Variants in TUBGCP2 observed in about 807,000 individuals in gnomAD.
TUBGCP2 encodes the protein tubulin gamma complex component 2.
In TUBGCP2, 55 loss-of-function variants were observed where a neutral mutation model predicts 92.2. The observed-to-expected ratio is 0.60, with a 90% CI of 0.48 to 0.75. The LOEUF is 0.75. Among genes scored for constraint, TUBGCP2 ranks in the 30% least tolerant of loss-of-function variants. The pLI is 0.00. For missense variants in TUBGCP2, 1,093 were observed against 1,188.9 expected (o/e 0.92, Z 1.19); for synonymous variants, 533 against 505.2 (o/e 1.06, Z -0.74).
chr10:133,281,304 A>G lies in TUBGCP2; in HGVS notation c.2542T>C (p.Cys848Arg). 5 of 1,612,774 alleles carry G rather than the reference A, an allele frequency of 3.1e-6. No individual in the cohort carries two copies. Among genetic ancestry groups the G allele is most frequent in the Non-Finnish European group, 4.2e-6 (5 of 1,179,928 alleles). ...ATGACGCTGGCCATGCCGTGCTCAC[A>G]GTCACTGGTGCTATAGATGCTCAGC... ...ARLSIYSTSD[C>R]EHGMASVISR... Residue 848 changes from cysteine to arginine, a missense_variant, in exon 17 of 18, where the codon TGT becomes CGT. Physicochemically the swap from Cys to Arg is radical, Grantham distance 180 (BLOSUM62 -3). Coordinates refer to ENST00000252936, the MANE Select transcript of TUBGCP2 (RefSeq NM_006659.4).
chr10:133,310,342 TC>T (rs1010713467), upstream of TUBGCP2: 5 of 1,608,632 alleles, frequency 3.1e-6, no homozygotes, highest in African/African-American at 5.4e-5. Flanking sequence ...GGAAAAGGTT[TC>T]CAACTAGCCG....
rs1564938829 is a variant in TUBGCP2 at position 133,291,268 on chromosome 10, CCCA to C, written c.1214+1228_1214+1230del. Among the ~76,000 whole-genome samples the C allele has an allele frequency of 1.4e-4, 7 of 48,518 alleles. 1 individual carries two copies. Among genetic ancestry groups the C allele is most frequent in the Non-Finnish European group, 2.3e-4 (7 of 30,108 alleles). The allele number at this position is 48,518 out of a possible 152,430, so 31.8% of individuals were successfully genotyped here. On this transcript the variant is annotated intron_variant, in intron 8 of 17. Transcript: ENST00000252936. ...GTGTCCCCCATGTCCCTCCGTGTCC[CCCA>C]TGTCCCTCCGTGTCCCTGTGTCCCG...
At chr10:133,291,853 T>TCCATGTCCCCCATGTCCCC (rs1427803441) in intron 8 of TUBGCP2, among the ~76,000 whole-genome samples, 1 of 14,784 alleles carries the variant, frequency 6.8e-5, no homozygotes, top group Non-Finnish European at 9.9e-5. Flanking sequence ...TCCGTGTCCC[T>TCCATGTCCCCCATGTCCCC]GTGTCCCGGG....
chr10:133,284,061 C>A (rs1847065872), intron 13 of TUBGCP2, 59 bp from the exon 14 acceptor site: 5 of 1,588,750 alleles, frequency 3.1e-6, no homozygotes, highest in Non-Finnish European at 4.3e-6. Flanking sequence ...CAGCGCCCAC[C>A]AAGTGACACG....
rs375090140 is a variant in TUBGCP2, at chr10:133,285,660, A to G, written c.1723-32T>C. 94 of 1,491,724 alleles carry G rather than the reference A, an allele frequency of 6.3e-5. No homozygotes were observed. Among genetic ancestry groups the G allele is most frequent in the Middle Eastern group, 1.8e-4 (1 of 5,566 alleles). The allele number at this position is 1,491,724 out of a possible 1,614,324, so 92.4% of individuals were successfully genotyped here. A position where few individuals can be genotyped will look rare whatever the true frequency, so the allele number is the denominator to read the frequency against. On this transcript the variant is annotated intron_variant, in intron 11 of 17. Transcript: ENST00000252936. This position sits in a 1 kb window ranked among gnomAD's most constrained non-coding sequence, Gnocchi z 6.8. ...GGGAAGGAAATGAAACAAAGCATCCAGTTTTAAGGAAAAGACCCGAAGTCG... is the reference window on the plus strand; with the variant it reads ...GGGAAGGAAATGAAACAAAGCATCCGGTTTTAAGGAAAAGACCCGAAGTCG...
intron 15 of TUBGCP2, among the ~76,000 whole-genome samples, 195 bp from the exon 16 acceptor site, chr10:133,282,537 G>C (rs140478798): frequency 9.8e-5 from 15 of 152,308 alleles, no homozygotes; most frequent in African/African-American, 3.6e-4. Context: ...ACCTTCCACG[G>C]TGACCAGCTG....
chr10:133,297,122 C>G (rs145618360), intron 5 of TUBGCP2, among the ~76,000 whole-genome samples: 40 of 152,358 alleles, frequency 2.6e-4, no homozygotes, highest in African/African-American at 8.4e-4. Context: ...ATGTACTTGA[C>G]TAGGCGTGGT....
intron 14 of TUBGCP2, 120 bp from the exon 15 acceptor site, chr10:133,283,341 G>A (rs1191136978): frequency 5.0e-6 from 7 of 1,396,420 alleles, no homozygotes; most frequent in South Asian, 2.7e-5. Context: ...CCTCTTAAAT[G>A]GGCCTTGGGC....
At chr10:133,298,683 T>A (rs76397714) in intron 4 of TUBGCP2, among the ~76,000 whole-genome samples, 1,592 of 152,354 alleles carry the variant, frequency 0.01, 13 homozygotes, top group Non-Finnish European at 0.017. Context: ...TGACTCCCAC[T>A]CAGGGCTGGT....
intron 17 of TUBGCP2, among the ~76,000 whole-genome samples, chr10:133,280,445 C>T (rs1846938111): frequency 6.6e-6 from 1 of 152,234 alleles, no homozygotes; most frequent in African/African-American, 2.4e-5. Flanking sequence ...AAGGACAGCA[C>T]CCCCAAGGGC....
At position 133,281,254 on chromosome 10, in the gene TUBGCP2, C is replaced by A. The variant is rs187747373; in HGVS notation, c.2573+19G>T. ...GGACTGAGCTGAGGAAGGGCTGAGC[C>A]GGGGTGGCGCCCACCCACCTGGAGA... is the stretch of plus-strand genomic sequence containing the variant. On this transcript the variant is annotated intron_variant, in intron 17 of 17. Transcript: ENST00000252936. 1.2e-6 allele frequency: 2 copies of A among 1,606,624 alleles called. No individual in the cohort carries two copies. The highest frequency in any genetic ancestry group is 1.1e-5 in the South Asian group (1 of 90,956).
At chr10:133,296,760 G>A (rs1460788708) in intron 5 of TUBGCP2, among the ~76,000 whole-genome samples, 1 of 152,230 alleles carries the variant, frequency 6.6e-6, no homozygotes, top group Non-Finnish European at 1.5e-5. Context: ...ACAGGTGTGA[G>A]CCACCATGCC....
rs1350887461 is a variant in TUBGCP2, at chr10:133,293,641, C to T, written c.745G>A (p.Asp249Asn). 1 of 1,580,776 alleles carries T rather than the reference C, an allele frequency of 6.3e-7. No individual in the cohort carries two copies. Among genetic ancestry groups the T allele is most frequent in the East Asian group, 2.3e-5 (1 of 43,248 alleles). Residue 249 changes from aspartate (D) to asparagine (N), a missense_variant, in exon 6 of 18, where the codon GAC becomes AAC. Around this residue, in one of 3 missense-constraint regions of TUBGCP2, gnomAD observed 490 missense variants for 488.5 expected, o/e 1.00. Transcript: ENST00000252936. ...AGRQSRTFLV[D>N]PNLDLSIREL... ...CTGATGGACAGGTCCAGGTTGGGGT[C>T]CACGAGGAAGGTCCGGCTCTGCCTC...
intron 16 of TUBGCP2, among the ~76,000 whole-genome samples, 178 bp downstream of exon 16, chr10:133,282,045 A>C (rs1285145516): frequency 6.6e-6 from 1 of 152,252 alleles, no homozygotes; most frequent in Non-Finnish European, 1.5e-5. Flanking sequence ...CAGAGAGCTG[A>C]GAAGATTGTG....
Position 133,308,814 on chromosome 10 carries a change from A to C in TUBGCP2, c.-40+9T>G. ...ATCACGCCCGCGCCCGCGTTCGGCC[A>C]GGACTCACCGCAGTCCCGGAGCCAC... On this transcript the variant is annotated intron_variant, in intron 1 of 17. Coordinates refer to ENST00000252936, the MANE Select transcript of TUBGCP2 (RefSeq NM_006659.4). 1 of 753,130 alleles carries C rather than the reference A, an allele frequency of 1.3e-6. No individual in the cohort carries two copies. Among genetic ancestry groups the C allele is most frequent in the Non-Finnish European group, 1.8e-6 (1 of 564,776 alleles). The allele number at this position is 753,130 out of a possible 1,614,324, so 46.7% of individuals were successfully genotyped here.
At position 133,292,601 on chromosome 10, in the gene TUBGCP2, T is replaced by G. The variant is rs751351983; in HGVS notation, c.1112A>C (p.Gln371Pro). ...DRSFSYTGDS[Q>P]AQELCLYLTK... ...TAGGTACAGGCATAGCTCCTGCGCC[T>G]GGCTGTCCCCTGTGTAGCTGAAGCT... The change falls in exon 8 of 18, where the codon CAG becomes CCG. Residue 371 changes from glutamine (Q) to proline (P), a missense_variant. Gln to Pro is a moderately conservative substitution (Grantham distance 76). Around this residue, in one of 3 missense-constraint regions of TUBGCP2, gnomAD observed 490 missense variants for 488.5 expected, o/e 1.00. Coordinates refer to ENST00000252936, the MANE Select transcript of TUBGCP2 (RefSeq NM_006659.4). 7.4e-6 allele frequency: 12 copies of G among 1,614,202 alleles called. No individual in the cohort carries two copies. Among genetic ancestry groups the G allele is most frequent in the Non-Finnish European group, 1.0e-5 (12 of 1,180,040 alleles).
At chr10:133,311,788 G>A (rs764507909), upstream of TUBGCP2, 27 of 1,613,382 alleles carry the variant, frequency 1.7e-5, no homozygotes, top group Non-Finnish European at 2.2e-5. Context: ...TCTGCTCTGA[G>A]CCTGTGGCAG....
chr10:133,299,670 GGAC>G (rs1847589068), intron 3 of TUBGCP2, 67 bp from the exon 4 acceptor site: 3 of 1,390,554 alleles, frequency 2.2e-6, no homozygotes, highest in South Asian at 2.7e-5. Context: ...GGGAGAGTAG[GGAC>G]GACACCACCA....
At chr10:133,282,600 G>T (rs1847011097) in intron 15 of TUBGCP2, among the ~76,000 whole-genome samples, 2 of 152,060 alleles carry the variant, frequency 1.3e-5, no homozygotes, top group Admixed American at 6.5e-5. Flanking sequence ...CCCTGAAGTG[G>T]CCATGCCCTC....
Sources: allele counts gnomAD v4.1 joint callset (sites outside exome capture counted in the v4.1 genomes callset), GRCh38; gene constraint gnomAD v4.1.1; regional missense constraint gnomAD v4.1.1; non-coding constraint Gnocchi (gnomAD v3.1); transcripts MANE v1.5; gene names NCBI Gene and HGNC (gene_info 2026-07-23, HGNC 2026-07-21).